ATP6V0E1: variants seen among roughly 807,000 people sequenced by gnomAD.
ATP6V0E1 encodes the protein ATPase H+ transporting V0 subunit e1.
In ATP6V0E1, 4 loss-of-function variants were observed where a neutral mutation model predicts 11.6. The ratio of observed to expected loss-of-function variants is 0.35; its 90% CI spans 0.17 to 0.79. ATP6V0E1 has a LOEUF of 0.79. ATP6V0E1 is among the 30% of genes least tolerant of loss of function. ATP6V0E1 has a pLI of 0.54. For missense variants in ATP6V0E1, 105 were observed against 100.0 expected (o/e 1.05, Z -0.21); for synonymous variants, 36 against 34.8 (o/e 1.04, Z -0.13).
chr5:173,001,647 T>C (rs1344428426), intron 2 of ATP6V0E1, among the ~76,000 whole-genome samples: 1 of 152,114 alleles, frequency 6.6e-6, no homozygotes, highest in Non-Finnish European at 1.5e-5. Context: ...GCACTTTGGC[T>C]GATTGGTTTC....
chr5:172,985,632 C>T (rs1755885362), intron 1 of ATP6V0E1, among the ~76,000 whole-genome samples: 1 of 152,126 alleles, frequency 6.6e-6, no homozygotes, highest in South Asian at 2.1e-4. Context: ...CCTTTGTACT[C>T]AAAGAAGCAT....
intron 2 of ATP6V0E1, among the ~76,000 whole-genome samples, chr5:173,012,474 C>A (rs1041633968): frequency 6.6e-6 from 1 of 151,872 alleles, no homozygotes; most frequent in Non-Finnish European, 1.5e-5. Context: ...TAAACGAGGC[C>A]GGGCATGGTG....
chr5:173,030,383 A>G (rs1285019501), intron 3 of ATP6V0E1, among the ~76,000 whole-genome samples: 2 of 152,026 alleles, frequency 1.3e-5, no homozygotes, highest in East Asian at 3.9e-4. Flanking sequence ...CTTTTCCCCG[A>G]ACAGATTTCT....
chr5:172,996,807 T>TC lies in ATP6V0E1; in HGVS notation c.152+1989dup, dbSNP rs547362682. On this transcript the variant is annotated intron_variant, in intron 2 of 3. Coordinates refer to ENST00000519374, the MANE Select transcript of ATP6V0E1 (RefSeq NM_003945.4). The stretch of plus-strand genomic sequence containing the variant: ...GGTGATGAAAGAGGGATTCTACAAT[T>TC]CCCCACATACTCTGAACCTAATAAA... Among the ~76,000 whole-genome samples the TC allele has an allele frequency of 7.3e-4, 111 of 152,222 alleles. No individual in the cohort carries two copies. In the Middle Eastern group the frequency reaches 0.01, roughly 14 times the overall value.
intron 2 of ATP6V0E1, among the ~76,000 whole-genome samples, chr5:173,002,447 G>A (rs1756172058): frequency 6.6e-6 from 1 of 152,058 alleles, no homozygotes; most frequent in African/African-American, 2.4e-5. Flanking sequence ...GCCCTTTAAT[G>A]TTGCAGTCTG....
chr5:173,030,523 C>G (rs1341885918), intron 3 of ATP6V0E1, among the ~76,000 whole-genome samples: 1 of 149,040 alleles, frequency 6.7e-6, no homozygotes, highest in African/African-American at 2.5e-5. Context: ...TTACTGCAAA[C>G]TCCGCCTCCT....
intron 2 of ATP6V0E1, among the ~76,000 whole-genome samples, chr5:172,996,782 G>A (rs1756073730): frequency 6.6e-6 from 1 of 152,038 alleles, no homozygotes; most frequent in African/African-American, 2.4e-5. Flanking sequence ...AGACATACAA[G>A]GTGATGAAAG....
chr5:173,025,143 CTTTT>C (rs539174415), intron 3 of ATP6V0E1, among the ~76,000 whole-genome samples: 3 of 103,142 alleles, frequency 2.9e-5, no homozygotes, highest in Admixed American at 1.1e-4. Context: ...GCCTGGCATT[CTTTT>C]TTTTTTTTTT....
At chr5:172,984,083 C>A in intron 1 of ATP6V0E1, 119 bp downstream of exon 1, 1 of 950,006 alleles carries the variant, frequency 1.1e-6, no homozygotes, top group Non-Finnish European at 1.7e-6. Context: ...CCCCGCGCTG[C>A]AGAGTCAGGC....
chr5:173,028,444 T>C (rs1418481812), intron 3 of ATP6V0E1, among the ~76,000 whole-genome samples: 1 of 152,108 alleles, frequency 6.6e-6, no homozygotes, highest in East Asian at 1.9e-4. Flanking sequence ...TAAGGAAAAA[T>C]GTTTGGTTTA....
chr5:173,024,839 C>G (rs1182151919), intron 3 of ATP6V0E1, among the ~76,000 whole-genome samples: 2 of 145,094 alleles, frequency 1.4e-5, no homozygotes, highest in Admixed American at 1.4e-4. Context: ...TTATTTTTTT[C>G]TTTTTTCTTT....
intron 1 of ATP6V0E1, among the ~76,000 whole-genome samples, chr5:172,990,834 A>T (rs78150415): frequency 9.4e-4 from 117 of 124,560 alleles, no homozygotes; most frequent in East Asian, 6.6e-3. Context: ...CTCAAAAATT[A>T]AAAAAAAAAA....
chr5:172,996,681 G>A (rs2066387572), intron 2 of ATP6V0E1, among the ~76,000 whole-genome samples: 1 of 152,026 alleles, frequency 6.6e-6, no homozygotes, highest in Admixed American at 6.6e-5. Flanking sequence ...GAACTATTTA[G>A]GTCAAAGAAC....
intron 2 of ATP6V0E1, among the ~76,000 whole-genome samples, chr5:172,996,952 C>CTTTTTTT (rs56185500): frequency 6.9e-6 from 1 of 145,376 alleles, no homozygotes; most frequent in Non-Finnish European, 1.5e-5. Context: ...GGAATTTTTT[C>CTTTTTTT]TTTTTTTTTT....
chr5:172,996,293 C>T (rs1250142491), intron 2 of ATP6V0E1, among the ~76,000 whole-genome samples: 1 of 152,134 alleles, frequency 6.6e-6, no homozygotes, highest in Admixed American at 6.6e-5. Context: ...GGATCGGTGG[C>T]TCATGCCTGT....
chr5:172,988,818 A>G (rs1017121771), intron 1 of ATP6V0E1, among the ~76,000 whole-genome samples: 1 of 152,092 alleles, frequency 6.6e-6, no homozygotes, highest in Non-Finnish European at 1.5e-5. Context: ...CCTCCCGAGT[A>G]TCTCGGACTA....
Position 173,020,243 on chromosome 5 carries a change from T to C in ATP6V0E1, c.158T>C (p.Leu53Pro). Residue 53 changes from leucine to proline, a missense_variant, in exon 3 of 4, where the codon CTG (leucine) becomes CCG (proline). Physicochemically the swap from Leu to Pro is moderately conservative, Grantham distance 98 (BLOSUM62 -3). Transcript: ENST00000519374. ...TCSVCCYLFW[L>P]IAILAQLNPL... is the part of the protein sequence containing the mutation. Reference sequence around the variant, plus strand: ...CTCTCCCATCCTTCTTTTAGTTGGCTGATTGCAATTCTGGCCCAACTCAAC... The same window carrying C: ...CTCTCCCATCCTTCTTTTAGTTGGCCGATTGCAATTCTGGCCCAACTCAAC... 1 of 1,612,702 alleles carries C rather than the reference T, an allele frequency of 6.2e-7. No homozygotes were observed.
chr5:173,029,284 A>C (rs1756611773), intron 3 of ATP6V0E1, among the ~76,000 whole-genome samples: 1 of 152,152 alleles, frequency 6.6e-6, no homozygotes, highest in African/African-American at 2.4e-5. Flanking sequence ...TTTTACTCCG[A>C]GTACTCTGGC....
At chr5:172,998,679 A>G (rs183556172) in intron 2 of ATP6V0E1, among the ~76,000 whole-genome samples, 102 of 151,920 alleles carry the variant, frequency 6.7e-4, no homozygotes, top group Non-Finnish European at 6.6e-4. Context: ...TTTTAGTACG[A>G]TGGTTGACCA....
Sources: allele counts gnomAD v4.1 joint callset (sites outside exome capture counted in the v4.1 genomes callset), GRCh38; gene constraint gnomAD v4.1.1; transcripts MANE v1.5; gene names NCBI Gene and HGNC (gene_info 2026-07-23, HGNC 2026-07-21).